The following THSD7B variants were observed in gnomAD, a reference collection of about 807,000 sequenced individuals.
The protein encoded by THSD7B is thrombospondin type 1 domain containing 7B.
THSD7B carries 138 observed loss-of-function variants against 213.6 expected under a neutral mutation model. The ratio of observed to expected loss-of-function variants is 0.65; its 90% CI spans 0.56 to 0.74. The LOEUF (loss-of-function observed/expected upper bound fraction) is 0.74, where lower values mean the gene tolerates loss of function less well. Ranked by LOEUF, THSD7B falls within the 30% of genes least tolerant of loss-of-function variation. The pLI is 0.00. For missense variants in THSD7B, 1,931 were observed against 1,991.5 expected (o/e 0.97, Z 0.58); for synonymous variants, 742 against 687.0 (o/e 1.08, Z -1.25).
At chr2:136,770,635 T>C (rs1427496209) in intron 1 of THSD7B, among the ~76,000 whole-genome samples, 1 of 152,180 alleles carries the variant, frequency 6.6e-6, no homozygotes, top group Non-Finnish European at 1.5e-5. Context: ...TCCAGTGATA[T>C]TACCTAAGGC....
chr2:137,029,468 A>T (rs934202411), intron 2 of THSD7B, among the ~76,000 whole-genome samples: 1 of 152,004 alleles, frequency 6.6e-6, no homozygotes, highest in Non-Finnish European at 1.5e-5. Flanking sequence ...CCATTTTTTC[A>T]CATCTTAAAA....
At chr2:137,671,246 TTAA>T (rs750423720) in intron 27 of THSD7B, among the ~76,000 whole-genome samples, 927 of 62,632 alleles carry the variant, frequency 0.015, 5 homozygotes, top group Non-Finnish European at 0.035. Flanking sequence ...TTTTTTTTTT[TTAA>T]AAAAAAAAAA....
At position 137,286,352 on chromosome 2, in the gene THSD7B, A is replaced by T. The variant is rs190182051; in HGVS notation, c.2500+10326A>T. Among the ~76,000 whole-genome samples, 166 of 152,216 alleles carry T rather than the reference A, an allele frequency of 1.1e-3. 1 individual carries two copies. The highest frequency in any genetic ancestry group is 3.8e-3 in the African/African-American group (156 of 41,560). ...AACTTTCGTCTGGAAAACACATAGA[A>T]ATATAGCAAAAACACACACTCTAAA... is the stretch of plus-strand genomic sequence containing the variant. On this transcript the variant is annotated intron_variant, in intron 12 of 27. Transcript: ENST00000409968.
intron 12 of THSD7B, among the ~76,000 whole-genome samples, chr2:137,281,304 T>A (rs12052791): frequency 0.17 from 25,219 of 151,986 alleles, 2,557 homozygotes; most frequent in East Asian, 0.49. Flanking sequence ...GGAAAAAAAA[T>A]TGAGCAAAAT....
At chr2:137,546,146 A>G (rs1277608175) in intron 15 of THSD7B, among the ~76,000 whole-genome samples, 1 of 149,598 alleles carries the variant, frequency 6.7e-6, no homozygotes, top group Non-Finnish European at 1.5e-5. Flanking sequence ...ACTCTCCAGA[A>G]CGATTCAAAT....
intron 12 of THSD7B, among the ~76,000 whole-genome samples, chr2:137,364,909 C>G (rs1322625071): frequency 6.6e-6 from 1 of 152,096 alleles, no homozygotes; most frequent in Non-Finnish European, 1.5e-5. Context: ...TCACATGGAA[C>G]CAAAAAACAG....
intron 1 of THSD7B, among the ~76,000 whole-genome samples, chr2:136,854,960 A>G (rs1261271620): frequency 6.6e-6 from 1 of 152,146 alleles, no homozygotes; most frequent in East Asian, 1.9e-4. Flanking sequence ...TTAAAATATA[A>G]GAAGCCCTTT....
intron 2 of THSD7B, among the ~76,000 whole-genome samples, chr2:137,048,463 T>C (rs975686618): frequency 3.3e-5 from 5 of 152,210 alleles, no homozygotes; most frequent in Non-Finnish European, 4.4e-5. Context: ...GAAAGAGATA[T>C]GGGTTCAGGT....
At chr2:137,009,863 C>T (rs1686193891) in intron 2 of THSD7B, among the ~76,000 whole-genome samples, 2 of 152,198 alleles carry the variant, frequency 1.3e-5, no homozygotes, top group South Asian at 4.1e-4. Context: ...TGCCAATGTT[C>T]CCAGAGGGAA....
At chr2:137,117,899 G>A (rs1421667965) in intron 5 of THSD7B, among the ~76,000 whole-genome samples, 2 of 152,144 alleles carry the variant, frequency 1.3e-5, no homozygotes, top group East Asian at 3.8e-4. Context: ...ACATTGATAT[G>A]GTCCTGTTGA....
At chr2:137,199,695 ATT>A (rs1281616149) in intron 7 of THSD7B, among the ~76,000 whole-genome samples, 2 of 152,104 alleles carry the variant, frequency 1.3e-5, no homozygotes, top group Non-Finnish European at 2.9e-5. Context: ...ACCATATTGC[ATT>A]TTTGCTTTTG....
chr2:137,171,892 T>C (rs1680260427), intron 7 of THSD7B, among the ~76,000 whole-genome samples: 1 of 152,166 alleles, frequency 6.6e-6, no homozygotes, highest in African/African-American at 2.4e-5. Flanking sequence ...ATAGATTTTG[T>C]CAGGTGATGT....
intron 17 of THSD7B, among the ~76,000 whole-genome samples, chr2:137,596,607 G>A (rs1573733392): frequency 1.3e-5 from 2 of 152,110 alleles, no homozygotes; most frequent in South Asian, 2.1e-4. Context: ...TTGAGTTAAT[G>A]TGAGAGTTGT....
At chr2:137,642,683 C>T (rs1311411709) in intron 21 of THSD7B, 50 bp downstream of exon 21, 1 of 1,596,778 alleles carries the variant, frequency 6.3e-7, no homozygotes, top group East Asian at 2.2e-5. Context: ...ATATTCGAAG[C>T]ACTTGTCTGG....
rs562564472 is a variant in THSD7B, at chr2:137,597,288, A to G, written c.3424-18887A>G. On this transcript the variant is annotated intron_variant, in intron 17 of 27. Coordinates refer to ENST00000409968, the MANE Select transcript of THSD7B (RefSeq NM_001316349.2). Reference sequence around the variant, plus strand: ...TTAGCTTATGATTCTCTGACTCTCAAACAATATTAGACCATGAAATTCTCC... The same window carrying G: ...TTAGCTTATGATTCTCTGACTCTCAGACAATATTAGACCATGAAATTCTCC... 1.3e-3 allele frequency among the ~76,000 whole-genome samples: 204 copies of G among 152,086 alleles called. 1 individual carries two copies. Among genetic ancestry groups the G allele is most frequent in the Non-Finnish European group, 2.3e-3 (159 of 67,950 alleles).
intron 12 of THSD7B, among the ~76,000 whole-genome samples, chr2:137,286,846 A>T (rs1289689325): frequency 6.6e-6 from 1 of 152,168 alleles, no homozygotes; most frequent in African/African-American, 2.4e-5. Flanking sequence ...AGCCTAGCCC[A>T]GGTGCCCCTT....
At chr2:136,939,316 G>C (rs1684781280) in intron 2 of THSD7B, among the ~76,000 whole-genome samples, 1 of 152,092 alleles carries the variant, frequency 6.6e-6, no homozygotes, top group African/African-American at 2.4e-5. Flanking sequence ...CTGCTCTCTT[G>C]ATGTATCCTT....
At position 137,639,439 on chromosome 2, in the gene THSD7B, C is replaced by G. The variant is rs1016435913; in HGVS notation, c.3800-3049C>G. Among the ~76,000 whole-genome samples, 32 of 152,208 alleles carry G rather than the reference C, an allele frequency of 2.1e-4. 1 individual carries two copies. Among genetic ancestry groups the G allele is most frequent in the Non-Finnish European group, 5.9e-5 (4 of 68,022 alleles). ...CAGGGGCAGGGCCCTCATGGAAAAC[C>G]CCCTCTAGGGCAGTGCAGAAGGGAA... On this transcript the variant is annotated intron_variant, in intron 20 of 27. Coordinates refer to ENST00000409968, the MANE Select transcript of THSD7B (RefSeq NM_001316349.2).
intron 1 of THSD7B, among the ~76,000 whole-genome samples, chr2:136,785,092 C>T (rs1681817049): frequency 6.6e-6 from 1 of 152,180 alleles, no homozygotes; most frequent in South Asian, 2.1e-4. Context: ...CCGCAGGAGT[C>T]TGCCATGATC....
Sources: allele counts gnomAD v4.1 joint callset (sites outside exome capture counted in the v4.1 genomes callset), GRCh38; gene constraint gnomAD v4.1.1; transcripts MANE v1.5; gene names NCBI Gene and HGNC (gene_info 2026-07-23, HGNC 2026-07-21).